The following PEX3 variants were observed in gnomAD, a reference collection of about 807,000 sequenced individuals.
The protein encoded by PEX3 is peroxisomal biogenesis factor 3, also known as peroxin-3.
PEX3 carries 30 observed loss-of-function variants against 55.8 expected under a neutral mutation model. That is an observed-to-expected ratio of 0.54 (90% confidence interval 0.40 to 0.73). The LOEUF is 0.73. Ranked by LOEUF, PEX3 falls within the 30% of genes least tolerant of loss-of-function variation. The pLI, the probability that PEX3 is intolerant of heterozygous loss-of-function variation, is 0.00. For synonymous variants in PEX3, 135 were observed against 148.4 expected (o/e 0.91, Z 0.66); for missense variants, 351 against 432.8 (o/e 0.81, Z 1.68).
rs1335267208 is a variant in PEX3 at position 143,465,091 on chromosome 6, C to T, written c.287+2094C>T. Among the ~76,000 whole-genome samples the T allele has an allele frequency of 6.6e-6, 1 of 151,840 alleles. No individual in the cohort carries two copies. Among genetic ancestry groups the T allele is most frequent in the Non-Finnish European group, 1.5e-5 (1 of 67,840 alleles). On this transcript the variant is annotated intron_variant, in intron 3 of 11. Coordinates refer to ENST00000367591, the MANE Select transcript of PEX3 (RefSeq NM_003630.3). This position sits in a 1 kb window ranked among gnomAD's most constrained non-coding sequence, Gnocchi z 4.7. ...CCATCATAAGAGAAGTAGAACACTT[C>T]GAAAAGATTCGTTTAATTCTCTTTA...
At position 143,470,962 on chromosome 6, in the gene PEX3, T is replaced by C; in HGVS notation, c.333T>C (p.Ser111=). ...AATGCTTTTCTTTTCTCTGTGAAGG[T>C]TTCACAAGAAGTACTGTGGCTGTAT... ...LEIWEDLKII[S]FTRSTVAVYS... Residue 111 remains serine, a splice_region_variant and synonymous_variant, in exon 5 of 12, where the codon AGT becomes AGC. Transcript: ENST00000367591. 6.2e-7 allele frequency: 1 copy of C among 1,612,226 alleles called. No individual in the cohort carries two copies. Among genetic ancestry groups the C allele is most frequent in the Non-Finnish European group, 8.5e-7 (1 of 1,178,652 alleles).
intron 2 of PEX3, among the ~76,000 whole-genome samples, chr6:143,461,962 T>C (rs1779926220): frequency 6.6e-6 from 1 of 152,132 alleles, no homozygotes; most frequent in African/African-American, 2.4e-5. Context: ...AGAAAAGGAA[T>C]GTGGTGGTCT....
chr6:143,470,433 T>C (rs1263211771), intron 4 of PEX3, among the ~76,000 whole-genome samples: 1 of 152,186 alleles, frequency 6.6e-6, no homozygotes, highest in Non-Finnish European at 1.5e-5. Flanking sequence ...TTCCTTCTGC[T>C]AGGACTCTCG....
In PEX3 at chr6:143,478,944, T is replaced by A. The variant is rs904511934; in HGVS notation, c.819-132T>A. The A allele has an allele frequency of 1.7e-5, 10 of 582,252 alleles. No homozygotes were observed. The Admixed American group carries it at 2.0e-4, about 12-fold the overall frequency. 36.1% of individuals were successfully genotyped at this position (582,252 alleles called of 1,614,324 possible). Reference sequence around the variant, plus strand: ...TAAATACTTTTTAAAGATTGATTTCTTGATATATTTTACAGTATTAGATTA... The same window carrying A: ...TAAATACTTTTTAAAGATTGATTTCATGATATATTTTACAGTATTAGATTA... On this transcript the variant is annotated intron_variant, in intron 9 of 11. Transcript: ENST00000367591.
intron 10 of PEX3, chr6:143,484,848 T>C (rs1410706397): frequency 2.9e-6 from 1 of 350,660 alleles, no homozygotes; most frequent in African/African-American, 2.1e-5. Flanking sequence ...ACAAACACTT[T>C]AGAACTTTTA....
At chr6:143,455,694 T>C (rs1779837049) in intron 1 of PEX3, among the ~76,000 whole-genome samples, 1 of 152,150 alleles carries the variant, frequency 6.6e-6, no homozygotes, top group African/African-American at 2.4e-5. Context: ...ATATATAAGA[T>C]AGGTTAAACA....
rs1779897472 is a variant in PEX3, at chr6:143,459,943, G to C, written c.205+727G>C. Among the ~76,000 whole-genome samples, 1 of 152,174 alleles carries C rather than the reference G, an allele frequency of 6.6e-6. No homozygotes were observed. Among genetic ancestry groups the C allele is most frequent in the Non-Finnish European group, 1.5e-5 (1 of 68,026 alleles). On this transcript the variant is annotated intron_variant, in intron 2 of 11. Transcript: ENST00000367591. This position sits in a 1 kb window ranked among gnomAD's most constrained non-coding sequence, Gnocchi z 4.2. ...CCTCCAGAGCTAGAAACATAGTCCTGGGAGAATGCCATCACAAAATCAACC... is the reference window on the plus strand; with the variant it reads ...CCTCCAGAGCTAGAAACATAGTCCTCGGAGAATGCCATCACAAAATCAACC...
chr6:143,457,780 A>G (rs1287683608), intron 1 of PEX3, among the ~76,000 whole-genome samples: 1 of 152,196 alleles, frequency 6.6e-6, no homozygotes, highest in Non-Finnish European at 1.5e-5. Context: ...CTGTAAGCTT[A>G]TTGAAGTCCC....
In PEX3 at chr6:143,466,826, T is replaced by C. The variant is rs528411608; in HGVS notation, c.288-1296T>C. On this transcript the variant is annotated intron_variant, in intron 3 of 11. Coordinates refer to ENST00000367591, the MANE Select transcript of PEX3 (RefSeq NM_003630.3). This position sits in a 1 kb window ranked among gnomAD's most constrained non-coding sequence, Gnocchi z 5.4. ...AGCAAAACAATGGAAAGTTTAAGCA[T>C]TTTTTAAGTCGTCATCTATGAAGAA... 5.7e-4 allele frequency among the ~76,000 whole-genome samples: 86 copies of C among 152,108 alleles called. No homozygotes were observed. Among genetic ancestry groups the C allele is most frequent in the African/African-American group, 2.0e-3 (85 of 41,546 alleles).
intron 1 of PEX3, among the ~76,000 whole-genome samples, chr6:143,457,544 C>T (rs543810620): frequency 2.0e-5 from 3 of 152,246 alleles, no homozygotes; most frequent in African/African-American, 7.2e-5. Context: ...TTTGCAGTTG[C>T]TAGAGGGCTA....
chr6:143,480,810 A>G (rs1343215615), intron 10 of PEX3, among the ~76,000 whole-genome samples: 2 of 152,170 alleles, frequency 1.3e-5, no homozygotes, highest in South Asian at 2.1e-4. Flanking sequence ...CAGGAGTTCA[A>G]GACCAGCCTG....
chr6:143,472,025 A>C, intron 7 of PEX3, 135 bp from the exon 8 acceptor site: 1 of 704,498 alleles, frequency 1.4e-6, no homozygotes, highest in Non-Finnish European at 2.5e-6. Flanking sequence ...TTCGTAATCC[A>C]TTCTATTCCA....
intron 10 of PEX3, among the ~76,000 whole-genome samples, chr6:143,481,944 A>G (rs895101007): frequency 2.6e-5 from 4 of 152,058 alleles, no homozygotes; most frequent in Non-Finnish European, 4.4e-5. Context: ...CTCCAGTCTG[A>G]GTGACAGAAT....
intron 2 of PEX3, among the ~76,000 whole-genome samples, chr6:143,461,761 A>G (rs1779923941): frequency 6.6e-6 from 1 of 152,132 alleles, no homozygotes; most frequent in Non-Finnish European, 1.5e-5. Flanking sequence ...AGCTTGAGCA[A>G]CATAGTGAGA....
chr6:143,467,994 G>A (rs957823624), intron 3 of PEX3, 128 bp from the exon 4 acceptor site: 16 of 577,390 alleles, frequency 2.8e-5, no homozygotes, highest in African/African-American at 2.7e-4. Flanking sequence ...TTGTGGGCTT[G>A]CTTTTCTGCA....
intron 1 of PEX3, among the ~76,000 whole-genome samples, chr6:143,455,349 C>T (rs1407869282): frequency 6.9e-6 from 1 of 144,728 alleles, no homozygotes; most frequent in Non-Finnish European, 1.5e-5. Context: ...CCCGCCACCA[C>T]GCCCGGCTAA....
At chr6:143,456,165 A>T (rs161076) in intron 1 of PEX3, among the ~76,000 whole-genome samples, 104,678 of 152,058 alleles carry the variant, frequency 0.69, 36,423 homozygotes, top group African/African-American at 0.78. Context: ...TTTCATATTG[A>T]GGATGAAGAA....
chr6:143,482,843 GA>G lies in PEX3; in HGVS notation c.942-2305del, dbSNP rs1562658094. 6.6e-6 allele frequency among the ~76,000 whole-genome samples: 1 copy of G among 151,964 alleles called. No individual in the cohort carries two copies. The highest frequency in any genetic ancestry group is 2.4e-5 in the African/African-American group (1 of 41,400). On this transcript the variant is annotated intron_variant, in intron 10 of 11. Coordinates refer to ENST00000367591, the MANE Select transcript of PEX3 (RefSeq NM_003630.3). The surrounding 1 kb of genome is among the most constrained non-coding windows in gnomAD (Gnocchi z 5.5). ...CTAAGTAAAAACAAATATACTGATCGAAAACAGGTGACTATGTGACCTCAAG... is the reference window on the plus strand; with the variant it reads ...CTAAGTAAAAACAAATATACTGATCGAAACAGGTGACTATGTGACCTCAAG...
At position 143,487,825 on chromosome 6, in the gene PEX3, C is replaced by A. The variant is rs1307359433; in HGVS notation, c.1039-1318C>A. On this transcript the variant is annotated intron_variant, in intron 11 of 11. Coordinates refer to ENST00000367591, the MANE Select transcript of PEX3 (RefSeq NM_003630.3). This position sits in a 1 kb window ranked among gnomAD's most constrained non-coding sequence, Gnocchi z 5.3. ...ATTTGAAAGATTTTCTGCCTCTGTT[C>A]TTCTCTCATTAGCACAAGACAGTTA... Among the ~76,000 whole-genome samples the A allele has an allele frequency of 6.6e-6, 1 of 151,738 alleles. No individual in the cohort carries two copies. The highest frequency in any genetic ancestry group is 1.5e-5 in the Non-Finnish European group (1 of 67,916).
Sources: allele counts gnomAD v4.1 joint callset (sites outside exome capture counted in the v4.1 genomes callset), GRCh38; gene constraint gnomAD v4.1.1; non-coding constraint Gnocchi (gnomAD v3.1); transcripts MANE v1.5; gene names NCBI Gene and HGNC (gene_info 2026-07-23, HGNC 2026-07-21).